Variants in STAM observed in about 807,000 individuals in gnomAD.
STAM encodes the protein signal transducing adaptor molecule.
A neutral mutation model predicts 63.4 loss-of-function variants in STAM; 16 were observed. The ratio of observed to expected loss-of-function variants is 0.25; its 90% confidence interval spans 0.17 to 0.38. The LOEUF is 0.38. Ranked by LOEUF, STAM falls within the 10% of genes least tolerant of loss-of-function variation. The pLI is 1.00. For synonymous variants in STAM, 238 were observed against 223.9 expected (o/e 1.06, Z -0.56); for missense variants, 636 against 657.1 (o/e 0.97, Z 0.35).
intron 1 of STAM, among the ~76,000 whole-genome samples, chr10:17,651,702 G>T (rs1209302111): frequency 6.6e-6 from 1 of 152,158 alleles, no homozygotes; most frequent in African/African-American, 2.4e-5. Flanking sequence ...TGCAGATACA[G>T]TTTCCAGGAG....
At chr10:17,650,830 C>T (rs1266463676) in intron 1 of STAM, among the ~76,000 whole-genome samples, 1 of 152,116 alleles carries the variant, frequency 6.6e-6, no homozygotes, top group East Asian at 1.9e-4. Context: ...CTTTGGGAGG[C>T]CGAGGTGGGC....
At chr10:17,657,394 AT>A (rs1434931988) in intron 1 of STAM, among the ~76,000 whole-genome samples, 1 of 152,098 alleles carries the variant, frequency 6.6e-6, no homozygotes, top group Admixed American at 6.5e-5. Flanking sequence ...GGATTTTTGC[AT>A]TTATGTTCAT....
intron 9 of STAM, among the ~76,000 whole-genome samples, chr10:17,702,948 G>GTAGTGA (rs1836068425): frequency 7.0e-6 from 1 of 143,162 alleles, no homozygotes; most frequent in African/African-American, 2.6e-5. Context: ...GCGGAAGGTC[G>GTAGTGA]TAGTGAGCCA....
intron 9 of STAM, 104 bp downstream of exon 9, chr10:17,700,383 T>G: frequency 2.4e-6 from 2 of 839,312 alleles, no homozygotes; most frequent in African/African-American, 1.8e-5. Flanking sequence ...TTGTAAAAAT[T>G]TTTGTATTTT....
intron 4 of STAM, among the ~76,000 whole-genome samples, chr10:17,685,209 A>G (rs11593203): frequency 0.027 from 4,064 of 152,344 alleles, 94 homozygotes; most frequent in Non-Finnish European, 0.037. Flanking sequence ...TAATTAAATA[A>G]TATCAGTCTA....
chr10:17,668,548 G>A (rs113442204), intron 2 of STAM, among the ~76,000 whole-genome samples: 5 of 152,232 alleles, frequency 3.3e-5, no homozygotes, highest in East Asian at 3.9e-4. Flanking sequence ...GTAATGCCAC[G>A]TATCTGTCAT....
chr10:17,650,509 G>T (rs1366246770), intron 1 of STAM, among the ~76,000 whole-genome samples: 1 of 152,130 alleles, frequency 6.6e-6, no homozygotes, highest in Non-Finnish European at 1.5e-5. Flanking sequence ...CATACAAGTC[G>T]TGAACTTGGG....
rs919184310 is a variant in STAM, at chr10:17,697,456, A to G, written c.823+587A>G. Among the ~76,000 whole-genome samples the G allele has an allele frequency of 2.0e-5, 3 of 152,348 alleles. No homozygotes were observed. In the South Asian group the frequency reaches 6.2e-4, roughly 32 times the overall value. Reference sequence around the variant, plus strand: ...GTGTTCTCCAAGCAACATGTCAGATATTCAGAAGGAGCCATTTTTACTAAT... The same window carrying G: ...GTGTTCTCCAAGCAACATGTCAGATGTTCAGAAGGAGCCATTTTTACTAAT... On this transcript the variant is annotated intron_variant, in intron 8 of 13. Coordinates refer to ENST00000377524, the MANE Select transcript of STAM (RefSeq NM_003473.4).
intron 5 of STAM, among the ~76,000 whole-genome samples, chr10:17,690,030 T>C (rs775323470): frequency 4.0e-4 from 61 of 152,250 alleles, no homozygotes; most frequent in Non-Finnish European, 5.7e-4. Flanking sequence ...TTGGTTAATC[T>C]AGAATCTTAG....
At chr10:17,684,571 A>C in intron 2 of STAM, 104 bp from the exon 3 acceptor site, 2 of 809,962 alleles carry the variant, frequency 2.5e-6, no homozygotes, top group South Asian at 4.3e-5. Context: ...TCCCTACTTT[A>C]TCATAGTCTC....
intron 2 of STAM, among the ~76,000 whole-genome samples, chr10:17,673,475 G>T (rs1052638855): frequency 2.6e-5 from 4 of 152,160 alleles, no homozygotes; most frequent in Non-Finnish European, 5.9e-5. Flanking sequence ...CAATGACAGT[G>T]TTTTAACTTC....
At chr10:17,700,305 G>T (rs1835935835) in intron 9 of STAM, 26 bp downstream of exon 9, 1 of 1,522,702 alleles carries the variant, frequency 6.6e-7, no homozygotes, top group East Asian at 2.3e-5. Context: ...GGTGATAGGA[G>T]TTGGTACTTT....
intron 2 of STAM, among the ~76,000 whole-genome samples, chr10:17,683,268 A>G (rs782591639): frequency 1.7e-4 from 26 of 152,024 alleles, no homozygotes; most frequent in Admixed American, 6.6e-5. Context: ...GGCTCAAGTG[A>G]ACCTCCCACC....
chr10:17,675,668 G>A (rs530501462), intron 2 of STAM, among the ~76,000 whole-genome samples: 158 of 152,310 alleles, frequency 1.0e-3, no homozygotes, highest in African/African-American at 3.7e-3. Context: ...TGAACTTCAT[G>A]AAGCAGGGTC....
chr10:17,704,671 TG>T (rs1554828989), intron 10 of STAM, among the ~76,000 whole-genome samples, 153 bp downstream of exon 10: 1 of 152,212 alleles, frequency 6.6e-6, no homozygotes, highest in African/African-American at 2.4e-5. Flanking sequence ...GTTGAAACCT[TG>T]GGTAGAATTT....
chr10:17,703,994 T>G (rs1402431542), intron 9 of STAM, among the ~76,000 whole-genome samples: 3 of 152,212 alleles, frequency 2.0e-5, no homozygotes, highest in African/African-American at 7.2e-5. Context: ...AGCAAAATCC[T>G]CTGGCATGAC....
At chr10:17,673,137 C>A in intron 2 of STAM, 2 of 647,920 alleles carry the variant, frequency 3.1e-6, no homozygotes, top group Non-Finnish European at 3.8e-6. Flanking sequence ...TTTCTCTTAC[C>A]ATGTATTTTT....
intron 11 of STAM, among the ~76,000 whole-genome samples, chr10:17,705,325 A>G (rs782722920): frequency 6.6e-6 from 1 of 152,226 alleles, no homozygotes; most frequent in Non-Finnish European, 1.5e-5. Flanking sequence ...CAAATGACCC[A>G]TATGTTAGTA....
intron 5 of STAM, among the ~76,000 whole-genome samples, chr10:17,690,945 C>T (rs555798165): frequency 6.6e-6 from 1 of 152,278 alleles, no homozygotes; most frequent in East Asian, 1.9e-4. Context: ...AAACATGCGG[C>T]TTCACATAGC....
Sources: allele counts gnomAD v4.1 joint callset (sites outside exome capture counted in the v4.1 genomes callset), GRCh38; gene constraint gnomAD v4.1.1; transcripts MANE v1.5; gene names NCBI Gene and HGNC (gene_info 2026-07-23, HGNC 2026-07-21).